SLC1A2: variants seen among roughly 807,000 people sequenced by gnomAD.
SLC1A2 encodes solute carrier family 1 member 2.
Under a neutral mutation model 48.8 loss-of-function variants are expected in SLC1A2, and 15 were observed. The ratio of observed to expected loss-of-function variants is 0.31; its 90% CI spans 0.21 to 0.47. The LOEUF is 0.47. SLC1A2 is among the 20% of genes least tolerant of loss of function. SLC1A2 has a pLI of 0.99. For missense variants in SLC1A2, 502 were observed against 730.5 expected (o/e 0.69, Z 3.61); for synonymous variants, 279 against 272.6 (o/e 1.02, Z -0.23).
chr11:35,300,180 C>CA (rs1851306119), intron 6 of SLC1A2, among the ~76,000 whole-genome samples: 2 of 152,102 alleles, frequency 1.3e-5, no homozygotes, highest in Non-Finnish European at 2.9e-5. Flanking sequence ...CGATCCAAAC[C>CA]AAAAAACCTA....
At chr11:35,317,678 G>A (rs1205821776) in intron 1 of SLC1A2, among the ~76,000 whole-genome samples, 162 bp from the exon 2 acceptor site, 1 of 152,180 alleles carries the variant, frequency 6.6e-6, no homozygotes, top group Non-Finnish European at 1.5e-5. Context: ...AGCAGGACAG[G>A]AGGACACACT....
chr11:35,312,114 A>G lies in SLC1A2; in HGVS notation c.561+84T>C. The G allele has an allele frequency of 2.2e-6, 3 of 1,364,404 alleles. No homozygotes were observed. In the African/African-American group the frequency reaches 4.3e-5, roughly 20 times the overall value. The allele number at this position is 1,364,404 out of a possible 1,614,324, so 84.5% of individuals were successfully genotyped here. The stretch of plus-strand genomic sequence containing the variant: ...ATATATTTAGAAAATTTCTACCCAG[A>G]GTTGGTCTGTTAAAATACTCTTAAG... On this transcript the variant is annotated intron_variant, in intron 4 of 10. Coordinates refer to ENST00000278379, the MANE Select transcript of SLC1A2 (RefSeq NM_004171.4).
rs956115017 is a variant in SLC1A2, at chr11:35,257,076, G to C, written c.*3818C>G. On this transcript the variant is annotated 3_prime_UTR_variant, in exon 11 of 11. Coordinates refer to ENST00000278379, the MANE Select transcript of SLC1A2 (RefSeq NM_004171.4). ...GTATTTGCAAAAACATGGCAGAATT[G>C]GGTTTCCTTTGGTGGACCCAGTAAA... 6.6e-6 allele frequency: 1 copy of C among 152,166 alleles called. No homozygotes were observed. Among genetic ancestry groups the C allele is most frequent in the African/African-American group, 2.4e-5 (1 of 41,444 alleles). The allele number at this position is 152,166 out of a possible 1,614,324, so 9.4% of individuals were successfully genotyped here. A position where few individuals can be genotyped will look rare whatever the true frequency, so the allele number is the denominator to read the frequency against.
At chr11:35,292,558 T>C (rs1360923398) in intron 6 of SLC1A2, 38 bp from the exon 7 acceptor site, 2 of 1,344,058 alleles carry the variant, frequency 1.5e-6, no homozygotes, top group Admixed American at 3.5e-5. Context: ...ATTGAAGAGA[T>C]CATTAGGGAT....
intron 4 of SLC1A2, among the ~76,000 whole-genome samples, chr11:35,308,573 T>C (rs899967245): frequency 1.3e-5 from 2 of 152,312 alleles, no homozygotes; most frequent in Middle Eastern, 3.4e-3. Flanking sequence ...TGCATCATTA[T>C]ATGGAGGAAG....
intron 1 of SLC1A2, among the ~76,000 whole-genome samples, chr11:35,348,889 T>G: frequency 3.9e-5 from 3 of 77,442 alleles, no homozygotes; most frequent in African/African-American, 5.5e-5. Flanking sequence ...CGAGACCTGG[T>G]CTCAAAAAAA....
intron 1 of SLC1A2, among the ~76,000 whole-genome samples, chr11:35,352,877 C>A (rs376010531): frequency 6.6e-6 from 1 of 152,258 alleles, no homozygotes. Flanking sequence ...GAGATCCTAT[C>A]AATGTGGTGG....
At chr11:35,324,257 T>G (rs1852167188) in intron 1 of SLC1A2, among the ~76,000 whole-genome samples, 2 of 152,194 alleles carry the variant, frequency 1.3e-5, no homozygotes, top group Admixed American at 1.3e-4. Context: ...TCAATAAAAG[T>G]TGTATTTGTT....
chr11:35,292,403 G>A lies in SLC1A2; in HGVS notation c.975C>T (p.Ile325=). ...AGGGGAGAAAGATGCCCCCGTGGAT[G>A]ATGAGGCCTATGATCACTGTTACCA... is the stretch of plus-strand genomic sequence containing the variant. ...MYMVTVIIGL[I]IHGGIFLPLI... Residue 325 remains isoleucine, a synonymous_variant, in exon 7 of 11, where the codon ATC becomes ATT. Transcript: ENST00000278379. The A allele has an allele frequency of 6.2e-7, 1 of 1,613,802 alleles. No homozygotes were observed.
chr11:35,332,222 T>C (rs1565251039), intron 1 of SLC1A2, among the ~76,000 whole-genome samples: 1 of 152,174 alleles, frequency 6.6e-6, no homozygotes, highest in Non-Finnish European at 1.5e-5. Context: ...CCTGAAGTCA[T>C]TCCAGCAGCA....
At chr11:35,293,897 T>C (rs1265073326) in intron 6 of SLC1A2, among the ~76,000 whole-genome samples, 1 of 152,204 alleles carries the variant, frequency 6.6e-6, no homozygotes, top group Non-Finnish European at 1.5e-5. Context: ...CCATGGTTAG[T>C]GGCTTATTCC....
intron 10 of SLC1A2, among the ~76,000 whole-genome samples, chr11:35,263,746 T>C (rs1175692221): frequency 6.6e-6 from 1 of 152,244 alleles, no homozygotes; most frequent in East Asian, 1.9e-4. Flanking sequence ...AGTTCAAGTC[T>C]TATCATCATT....
At chr11:35,303,007 C>T (rs1393857794) in intron 5 of SLC1A2, among the ~76,000 whole-genome samples, 1 of 151,398 alleles carries the variant, frequency 6.6e-6, no homozygotes, top group Non-Finnish European at 1.5e-5. Flanking sequence ...GAAGTATGAG[C>T]CATCTTCTCT....
intron 1 of SLC1A2, among the ~76,000 whole-genome samples, chr11:35,381,277 A>G (rs1854415150): frequency 6.6e-6 from 1 of 152,192 alleles, no homozygotes; most frequent in South Asian, 2.1e-4. Flanking sequence ...AGCCCAGCCA[A>G]TGAGACTCTT....
intron 1 of SLC1A2, among the ~76,000 whole-genome samples, chr11:35,363,446 G>A (rs1853747211): frequency 6.6e-6 from 1 of 152,104 alleles, no homozygotes; most frequent in South Asian, 2.1e-4. Flanking sequence ...ACAAAATAGG[G>A]AGCTCATTGG....
chr11:35,302,266 G>A (rs1851377521), intron 5 of SLC1A2, among the ~76,000 whole-genome samples: 2 of 152,100 alleles, frequency 1.3e-5, no homozygotes, highest in Admixed American at 1.3e-4. Context: ...ATTTTATCCA[G>A]TTTTTTTAAA....
At chr11:35,401,276 G>T (rs1162145055) in intron 1 of SLC1A2, among the ~76,000 whole-genome samples, 1 of 152,180 alleles carries the variant, frequency 6.6e-6, no homozygotes, top group Non-Finnish European at 1.5e-5. Flanking sequence ...AAAGGAACAG[G>T]ATTTTCTACA....
Position 35,265,508 on chromosome 11 carries a change from C to A in SLC1A2, c.1653+19G>T, listed in dbSNP as rs748214938. The A allele has an allele frequency of 4.7e-6, 6 of 1,290,314 alleles. No individual in the cohort carries two copies. Among genetic ancestry groups the A allele is most frequent in the Non-Finnish European group, 6.8e-6 (6 of 885,658 alleles). The allele number at this position is 1,290,314 out of a possible 1,614,324, so 79.9% of individuals were successfully genotyped here. A position where few individuals can be genotyped will look rare whatever the true frequency, so the allele number is the denominator to read the frequency against. ...CACTACTATATACAAGTCTCGATAT[C>A]CATGAATGGGAAATGTACCTTGCAT... On this transcript the variant is annotated intron_variant, in intron 10 of 10. Coordinates refer to ENST00000278379, the MANE Select transcript of SLC1A2 (RefSeq NM_004171.4).
chr11:35,254,823 G>T lies in SLC1A2; in HGVS notation c.*6071C>A, dbSNP rs1950291554. On this transcript the variant is annotated 3_prime_UTR_variant, in exon 11 of 11. Coordinates refer to ENST00000278379, the MANE Select transcript of SLC1A2 (RefSeq NM_004171.4). ...ACAAAAGGGCCCTGTGTAAAAACCA[G>T]AAGGATTTTGTAAAATATCAAAATG... 2.2e-6 allele frequency: 1 copy of T among 455,666 alleles called. No homozygotes were observed. Among genetic ancestry groups the T allele is most frequent in the African/African-American group, 2.0e-5 (1 of 50,044 alleles). 28.2% of individuals were successfully genotyped at this position (455,666 alleles called of 1,614,324 possible). A position where few individuals can be genotyped will look rare whatever the true frequency, so the allele number is the denominator to read the frequency against.
Sources: gnomAD v4.1 joint callset for allele counts (sites outside exome capture counted in the v4.1 genomes callset) on GRCh38, gnomAD v4.1.1 for gene constraint, MANE v1.5 for transcripts, NCBI Gene and HGNC (gene_info 2026-07-23, HGNC 2026-07-21) for gene names.